CRELD1: variants seen among roughly 807,000 people sequenced by gnomAD.
The protein encoded by CRELD1 is CRELD disulfide isomerase 1, also known as protein disulfide isomerase CRELD1.
Under a neutral mutation model 58.2 loss-of-function variants are expected in CRELD1, and 42 were observed. The observed-to-expected ratio is 0.72, with a 90% CI of 0.56 to 0.93. The LOEUF is 0.93. Ranked by LOEUF, CRELD1 falls within the 40% of genes least tolerant of loss-of-function variation. CRELD1 has a pLI of 0.00. For missense variants in CRELD1, 500 were observed against 540.6 expected, an observed-to-expected ratio of 0.92 and a Z score of 0.74; for synonymous variants, 222 against 202.0, an observed-to-expected ratio of 1.10 and a Z score of -0.84.
chr3:9,934,689 G>T, intron 2 of CRELD1, 77 bp downstream of exon 2: 1 of 1,569,146 alleles, frequency 6.4e-7, no homozygotes, highest in Non-Finnish European at 8.7e-7. Flanking sequence ...AATCTGCGTG[G>T]ATTTAAGTTT....
chr3:9,934,682 C>T (rs2125329282), intron 2 of CRELD1, 70 bp downstream of exon 2: 1 of 1,576,656 alleles, frequency 6.3e-7, no homozygotes, highest in Non-Finnish European at 8.7e-7. Context: ...GGATGCAAAT[C>T]TGCGTGGATT....
intron 2 of CRELD1, 108 bp from the exon 3 acceptor site, chr3:9,934,727 C>A: frequency 6.7e-7 from 1 of 1,496,188 alleles, no homozygotes; most frequent in Non-Finnish European, 9.2e-7. Context: ...AGTTGTATGG[C>A]CCTAGGCAGG....
At chr3:9,944,323 C>G (rs2085460018) in intron 10 of CRELD1, 42 bp from the exon 11 acceptor site, 2 of 1,546,730 alleles carry the variant, frequency 1.3e-6, no homozygotes, top group Admixed American at 1.7e-5. Context: ...CTACCAGGAA[C>G]AGGGATACGA....
At chr3:9,936,701 C>A (rs1460459684) in intron 3 of CRELD1, among the ~76,000 whole-genome samples, 3 of 152,002 alleles carry the variant, frequency 2.0e-5, no homozygotes, top group Admixed American at 2.0e-4. Context: ...AATCCTATAC[C>A]TATTACACAG....
intron 5 of CRELD1, among the ~76,000 whole-genome samples, chr3:9,940,247 C>T (rs2085321772): frequency 6.6e-6 from 1 of 152,052 alleles, no homozygotes; most frequent in Non-Finnish European, 1.5e-5. Flanking sequence ...AGAGACGCTC[C>T]TCACTTCCCA....
At chr3:9,935,867 G>C (rs1007923440) in intron 3 of CRELD1, 1 of 152,088 alleles carries the variant, frequency 6.6e-6, no homozygotes, top group Non-Finnish European at 1.5e-5. Flanking sequence ...TACAAATCTG[G>C]AATTCAGAAA....
At chr3:9,935,127 A>C (rs868254460) in intron 3 of CRELD1, 1 of 556,904 alleles carries the variant, frequency 1.8e-6, no homozygotes, top group East Asian at 3.1e-5. Context: ...TGAGTAAGTG[A>C]ATAATATTAT....
chr3:9,941,025 G>A lies in CRELD1; in HGVS notation c.636G>A (p.Ser212=), dbSNP rs143811769. 93 of 1,614,200 alleles carry A rather than the reference G, an allele frequency of 5.8e-5. 1 individual carries two copies. In the African/African-American group the frequency reaches 8.5e-4, roughly 15 times the overall value. Residue 212 remains serine (S), a splice_region_variant and synonymous_variant, in exon 6 of 11, where the codon TCG becomes TCA. Transcript: ENST00000452070. ...GCAACGCCAGCCATCTGGTATGTTC[G>A]GGTAGGTAGCCAAAAGGTGTGGCAC... ...AERNASHLVC[S]ACFGPCARCS...
At chr3:9,944,231 A>G in intron 10 of CRELD1, 134 bp from the exon 11 acceptor site, 1 of 865,204 alleles carries the variant, frequency 1.2e-6, no homozygotes, top group Non-Finnish European at 2.0e-6. Context: ...TTTGAGCAGT[A>G]AATGTAGTGT....
In CRELD1 at chr3:9,934,480, C is replaced by T; in HGVS notation, c.42C>T (p.Leu14=). The part of the protein sequence containing the change: ...WPPKGLVPAM[L]WGLSLFLNLP... ...CGAAGGGCCTAGTCCCAGCTATGCT[C>T]TGGGGCCTCAGCCTCTTCCTCAACC... Residue 14 remains leucine (L), a synonymous_variant, in exon 2 of 11, where the codon CTC becomes CTT. Transcript: ENST00000452070. 6.2e-7 allele frequency: 1 copy of T among 1,614,024 alleles called. No individual in the cohort carries two copies. The highest frequency in any genetic ancestry group is 1.1e-5 in the South Asian group (1 of 91,082).
chr3:9,940,229 C>G (rs7650290), intron 5 of CRELD1, among the ~76,000 whole-genome samples: 55,739 of 150,536 alleles, frequency 0.37, 13,863 homozygotes, highest in African/African-American at 0.72. Context: ...GACGATGGGC[C>G]GCCAGGCAGA....
At position 9,933,843 on chromosome 3, in the gene CRELD1, C is replaced by G; in HGVS notation, c.-97C>G. On this transcript the variant is annotated 5_prime_UTR_variant, in exon 1 of 11. Coordinates refer to ENST00000452070, the MANE Select transcript of CRELD1 (RefSeq NM_001077415.3). ...GTTGTGCGTTTTACGCAGGCTGTGG[C>G]AGCGACGCGGTGAGGAGACGGCCCA... 1 of 527,114 alleles carries G rather than the reference C, an allele frequency of 1.9e-6. No individual in the cohort carries two copies. Among genetic ancestry groups the G allele is most frequent in the East Asian group, 3.4e-5 (1 of 29,318 alleles). The allele number at this position is 527,114 out of a possible 1,614,324, so 32.7% of individuals were successfully genotyped here.
Position 9,934,462 on chromosome 3 carries a change from C to G in CRELD1, c.24C>G (p.Gly8=), listed in dbSNP as rs923939280. The G allele has an allele frequency of 2.5e-6, 4 of 1,613,854 alleles. No individual in the cohort carries two copies. The highest frequency in any genetic ancestry group is 1.3e-5 in the African/African-American group (1 of 74,912). Residue 8 remains glycine (G), a synonymous_variant, in exon 2 of 11, where the codon GGC becomes GGG. Transcript: ENST00000452070. MAPWPPK[G]LVPAMLWGLS... is the part of the protein sequence containing the mutation. The stretch of plus-strand genomic sequence containing the variant: ...AGATGGCCCCATGGCCCCCGAAGGG[C>G]CTAGTCCCAGCTATGCTCTGGGGCC...
In CRELD1 at chr3:9,938,153, C is replaced by T. The variant is rs754706628; in HGVS notation, c.460+47C>T. On this transcript the variant is annotated intron_variant, in intron 5 of 10. Transcript: ENST00000452070. ...GGGGATGGGAGGGGACCACCGAGTC[C>T]AGGGATCCAGTCCTGGCTCTGTCCC... 3 of 1,400,504 alleles carry T rather than the reference C, an allele frequency of 2.1e-6. No homozygotes were observed. The Admixed American group carries it at 5.0e-5, about 24-fold the overall frequency. The allele number at this position is 1,400,504 out of a possible 1,614,324, so 86.8% of individuals were successfully genotyped here.
intron 6 of CRELD1, 39 bp from the exon 7 acceptor site, chr3:9,941,072 C>A (rs2085353374): frequency 1.2e-6 from 2 of 1,613,574 alleles, no homozygotes; most frequent in Non-Finnish European, 1.7e-6. Flanking sequence ...AGATGGGGCA[C>A]CTGCCTGCCC....
rs1237118138 is a variant in CRELD1 at position 9,934,918 on chromosome 3, G to T, written c.257+1G>T. The T allele has an allele frequency of 1.9e-6, 3 of 1,608,442 alleles. No individual in the cohort carries two copies. Among genetic ancestry groups the T allele is most frequent in the Non-Finnish European group, 2.5e-6 (3 of 1,177,116 alleles). ...AGAATTTGTCCAAATACAAAGACAGGTAAGGGGCTGCTGGGGGAAGGGGTG... is the reference window on the plus strand; with the variant it reads ...AGAATTTGTCCAAATACAAAGACAGTTAAGGGGCTGCTGGGGGAAGGGGTG... On this transcript the variant is annotated splice_donor_variant, in intron 3 of 10. Transcript: ENST00000452070. LOFTEE classifies it high-confidence loss of function.
In CRELD1 at chr3:9,943,153, G is replaced by C; in HGVS notation, c.894G>C (p.Gln298His). The C allele has an allele frequency of 6.2e-7, 1 of 1,613,498 alleles. No homozygotes were observed. The highest frequency in any genetic ancestry group is 8.5e-7 in the Non-Finnish European group (1 of 1,180,000). The change falls in exon 9 of 11, where the codon CAG (glutamine) becomes CAC (histidine). Residue 298 changes from glutamine (Q) to histidine (H), a missense_variant. Coordinates refer to ENST00000452070, the MANE Select transcript of CRELD1 (RefSeq NM_001077415.3). ...AGAAGTGTAGCCCTGGCTATCAGCA[G>C]GTGGGCTCCAAGTGTCTCGGTGAGT... ...RCKKCSPGYQ[Q>H]VGSKCLDVDE...
intron 9 of CRELD1, 102 bp downstream of exon 9, chr3:9,943,274 A>G (rs2085419997): frequency 1.9e-6 from 3 of 1,599,498 alleles, no homozygotes; most frequent in Non-Finnish European, 2.6e-6. Flanking sequence ...GAAGGGTGGA[A>G]TGTTGCCTGG....
intron 5 of CRELD1, among the ~76,000 whole-genome samples, chr3:9,940,283 T>C (rs1453433625): frequency 6.6e-6 from 1 of 152,132 alleles, no homozygotes; most frequent in African/African-American, 2.4e-5. Flanking sequence ...GGGCAGAGGC[T>C]GCAATCTCGG....
Sources: gnomAD v4.1 joint callset for allele counts (sites outside exome capture counted in the v4.1 genomes callset) on GRCh38, gnomAD v4.1.1 for gene constraint, MANE v1.5 for transcripts, NCBI Gene and HGNC (gene_info 2026-07-23, HGNC 2026-07-21) for gene names.